BDP1: variants seen among roughly 807,000 people sequenced by gnomAD.
BDP1 encodes the protein transcription factor TFIIIB component B'' homolog.
A neutral mutation model predicts 266.6 loss-of-function variants in BDP1; 169 were observed. That is an observed-to-expected ratio of 0.63 (90% CI 0.56 to 0.72). The LOEUF is 0.72. Ranked by LOEUF, BDP1 falls within the 30% of genes least tolerant of loss-of-function variation. The pLI is 0.00. For synonymous variants in BDP1, 1,090 were observed against 1,022.4 expected (o/e 1.07, Z -1.26); for missense variants, 3,015 against 3,053.8 (o/e 0.99, Z 0.30).
intron 25 of BDP1, among the ~76,000 whole-genome samples, chr5:71,527,668 A>G (rs773662184): frequency 2.6e-5 from 4 of 152,128 alleles, no homozygotes; most frequent in Non-Finnish European, 5.9e-5. Flanking sequence ...TTTATCATCA[A>G]TGGACACTTG....
At position 71,489,642 on chromosome 5, in the gene BDP1, C is replaced by G; in HGVS notation, c.1452C>G (p.Ala484=). Residue 484 remains alanine, a synonymous_variant, in exon 10 of 39, where the codon GCC becomes GCG. Coordinates refer to ENST00000358731, the MANE Select transcript of BDP1 (RefSeq NM_018429.3). Reference sequence around the variant, plus strand: ...GAGTAAACAATCTTTTAGAAAATGCCACTGTTCAGGCGGGTCCTTCTAAAG... The same window carrying G: ...GAGTAAACAATCTTTTAGAAAATGCGACTGTTCAGGCGGGTCCTTCTAAAG... ...ELGVNNLLEN[A]TVQAGPSKGE... 2.5e-6 allele frequency: 4 copies of G among 1,613,918 alleles called. No individual in the cohort carries two copies. Among genetic ancestry groups the G allele is most frequent in the Non-Finnish European group, 3.4e-6 (4 of 1,179,966 alleles).
At chr5:71,482,043 C>G (rs1762998165) in intron 7 of BDP1, among the ~76,000 whole-genome samples, 1 of 152,288 alleles carries the variant, frequency 6.6e-6, no homozygotes, top group East Asian at 1.9e-4. Context: ...TAGGATGCAC[C>G]TGAACTCTAT....
intron 38 of BDP1, among the ~76,000 whole-genome samples, chr5:71,563,608 T>C (rs1306022102): frequency 6.6e-6 from 1 of 152,214 alleles, no homozygotes; most frequent in Non-Finnish European, 1.5e-5. Context: ...TGCTTTCAGA[T>C]AGTTTAAAAA....
At chr5:71,461,739 T>C in intron 2 of BDP1, 78 bp from the exon 3 acceptor site, 1 of 783,598 alleles carries the variant, frequency 1.3e-6, no homozygotes. Flanking sequence ...AACGCAACAG[T>C]GGACTGTATA....
intron 31 of BDP1, 72 bp from the exon 32 acceptor site, chr5:71,544,967 C>A: frequency 1.6e-6 from 2 of 1,213,276 alleles, no homozygotes; most frequent in East Asian, 3.6e-5. Flanking sequence ...TGATCTTTTA[C>A]ACACCTAGCT....
At chr5:71,470,810 G>A (rs1762195396) in intron 7 of BDP1, among the ~76,000 whole-genome samples, 2 of 150,706 alleles carry the variant, frequency 1.3e-5, no homozygotes, top group Admixed American at 1.3e-4. Context: ...GGCTGCTGTC[G>A]AACTCTTGAG....
Position 71,539,057 on chromosome 5 carries a change from G to A in BDP1, c.5908G>A (p.Glu1970Lys). The A allele has an allele frequency of 6.2e-7, 1 of 1,603,864 alleles. No individual in the cohort carries two copies. The change falls in exon 27 of 39, where the codon GAA becomes AAA. Residue 1970 changes from glutamate to lysine, a missense_variant. By Grantham distance (56) the Glu-to-Lys change is moderately conservative (BLOSUM62 1). Coordinates refer to ENST00000358731, the MANE Select transcript of BDP1 (RefSeq NM_018429.3). The part of the protein sequence containing the change: ...LSVPFEMTTS[E>K]HIQDEPGTND... ...TCCTTTTTAGGAAATGACCACAAGT[G>A]AACATATCCAAGATGAACCAGGTAA...
chr5:71,461,594 A>G (rs1761568952), intron 2 of BDP1, among the ~76,000 whole-genome samples: 1 of 152,162 alleles, frequency 6.6e-6, no homozygotes, highest in Non-Finnish European at 1.5e-5. Flanking sequence ...AGCCTGGATG[A>G]CAGAGCAAAA....
Position 71,522,510 on chromosome 5 carries a change from A to AG in BDP1, c.5193+20_5193+21insG, listed in dbSNP as rs1202937088. ...CTAAAAGTAAGTTTGGGCAAAAAAA[A>AG]AAAAAAAATTTTTTTTCTCAATGAG... is the stretch of plus-strand genomic sequence containing the variant. On this transcript the variant is annotated intron_variant, in intron 23 of 38. Transcript: ENST00000358731. 1.3e-6 allele frequency: 2 copies of AG among 1,573,268 alleles called. No individual in the cohort carries two copies. Among genetic ancestry groups the AG allele is most frequent in the Non-Finnish European group, 8.6e-7 (1 of 1,168,854 alleles).
At chr5:71,558,844 A>C (rs867600967) in intron 36 of BDP1, among the ~76,000 whole-genome samples, 2 of 141,904 alleles carry the variant, frequency 1.4e-5, no homozygotes, top group African/African-American at 2.6e-5. Flanking sequence ...AAAAAAAAAA[A>C]CAACAAAAAA....
intron 9 of BDP1, 103 bp from the exon 10 acceptor site, chr5:71,489,301 A>C: frequency 1.3e-6 from 1 of 759,970 alleles, no homozygotes; most frequent in South Asian, 2.5e-5. Context: ...TTTTTTGTTC[A>C]TACAAATAAA....
chr5:71,512,986 C>T (rs1020923098), intron 18 of BDP1, among the ~76,000 whole-genome samples, 199 bp from the exon 19 acceptor site: 6 of 149,838 alleles, frequency 4.0e-5, no homozygotes, highest in South Asian at 2.1e-4. Flanking sequence ...CACTTGAGCC[C>T]GCGGAGGTCA....
At position 71,516,156 on chromosome 5, in the gene BDP1, A is replaced by G. The variant is rs1765209587; in HGVS notation, c.4745A>G (p.Asn1582Ser). 6.2e-7 allele frequency: 1 copy of G among 1,613,486 alleles called. No homozygotes were observed. Among genetic ancestry groups the G allele is most frequent in the Non-Finnish European group, 8.5e-7 (1 of 1,179,644 alleles). Residue 1582 changes from asparagine to serine, a missense_variant, in exon 21 of 39, where the codon AAT becomes AGT. By Grantham distance (46) the Asn-to-Ser change is conservative. Transcript: ENST00000358731. The part of the protein sequence containing the change: ...VRGRLQRPRP[N>S]IRKTGQRQIV... ...GGCCGACTTCAGAGACCGAGACCAAATATAAGAAAGACAGGACAGAGGCAA... is the reference window on the plus strand; with the variant it reads ...GGCCGACTTCAGAGACCGAGACCAAGTATAAGAAAGACAGGACAGAGGCAA...
rs1455434481 is a variant in BDP1 at position 71,491,096 on chromosome 5, A to G, written c.1605A>G (p.Lys535=). ...DGIVGFASTE[K]VEKRTDPILS... ...TTGTGGGTTTTGCCTCCACTGAAAA[A>G]GTTGAGAAAAGAACTGACCCCATCC... Residue 535 remains lysine (K), a synonymous_variant, in exon 11 of 39, where the codon AAA becomes AAG. Transcript: ENST00000358731. 1 of 1,614,106 alleles carries G rather than the reference A, an allele frequency of 6.2e-7. No homozygotes were observed. Among genetic ancestry groups the G allele is most frequent in the Admixed American group, 1.7e-5 (1 of 60,028 alleles).
intron 25 of BDP1, among the ~76,000 whole-genome samples, chr5:71,527,455 G>A (rs1765960417): frequency 6.6e-6 from 1 of 152,048 alleles, no homozygotes; most frequent in Non-Finnish European, 1.5e-5. Context: ...TAACCTTTTG[G>A]CAACCACTTT....
Position 71,502,778 on chromosome 5 carries a change from G to T in BDP1, c.2228G>T (p.Cys743Phe). 1 of 1,613,102 alleles carries T rather than the reference G, an allele frequency of 6.2e-7. No homozygotes were observed. Among genetic ancestry groups the T allele is most frequent in the Non-Finnish European group, 8.5e-7 (1 of 1,179,712 alleles). ...ANVEKNENES[C>F]ADRDTPQHME... ...GTAGAGAAGAATGAAAATGAATCCT[G>T]TGCTGATAGAGATGTAAGTACTCTG... Residue 743 changes from cysteine to phenylalanine, a missense_variant, in exon 15 of 39, where the codon TGT becomes TTT. Coordinates refer to ENST00000358731, the MANE Select transcript of BDP1 (RefSeq NM_018429.3).
At chr5:71,470,530 A>G in intron 7 of BDP1, 41 bp downstream of exon 7, 1 of 1,266,316 alleles carries the variant, frequency 7.9e-7, no homozygotes, top group African/African-American at 1.5e-5. Flanking sequence ...GAAAGAGACC[A>G]AACATTACAA....
At chr5:71,549,309 G>C in intron 33 of BDP1, 111 bp from the exon 34 acceptor site, 1 of 887,708 alleles carries the variant, frequency 1.1e-6, no homozygotes, top group East Asian at 2.7e-5. Context: ...TATTTATTTA[G>C]TCTTGATGAT....
chr5:71,539,594 A>G lies in BDP1; in HGVS notation c.5967A>G (p.Leu1989=). 6.2e-7 allele frequency: 1 copy of G among 1,611,988 alleles called. No individual in the cohort carries two copies. Among genetic ancestry groups the G allele is most frequent in the Non-Finnish European group, 8.5e-7 (1 of 1,179,272 alleles). The change falls in exon 28 of 39, where the codon TTA becomes TTG. Residue 1989 remains leucine (L), a synonymous_variant. Transcript: ENST00000358731. The part of the protein sequence containing the change: ...NDGSTEAAIT[L]LTMGDLVLQS... The stretch of plus-strand genomic sequence containing the variant: ...GAAGCACCGAAGCTGCAATAACTTT[A>G]CTTACAATGGGAGATCTAGTATTGC...
Sources: gnomAD v4.1 joint callset for allele counts (sites outside exome capture counted in the v4.1 genomes callset) on GRCh38, gnomAD v4.1.1 for gene constraint, MANE v1.5 for transcripts, NCBI Gene and HGNC (gene_info 2026-07-23, HGNC 2026-07-21) for gene names.